Variants in SNRPN observed in about 807,000 individuals in gnomAD.
SNRPN encodes small nuclear ribonucleoprotein polypeptide N.
A neutral mutation model predicts 25.2 loss-of-function variants in SNRPN; 7 were observed. The observed-to-expected ratio is 0.28, with a 90% CI of 0.16 to 0.52. SNRPN has a LOEUF of 0.52. Ranked by LOEUF, SNRPN falls within the 20% of genes least tolerant of loss-of-function variation. The probability of loss-of-function intolerance (pLI) is 0.96; values close to 1 mark genes in which losing one functional copy is unlikely to be tolerated. For missense variants in SNRPN, 196 were observed against 322.5 expected, an observed-to-expected ratio of 0.61 and a Z score of 3.00; for synonymous variants, 124 against 110.6, an observed-to-expected ratio of 1.12 and a Z score of -0.76.
intron 2 of SNRPN, among the ~76,000 whole-genome samples, chr15:24,902,922 G>C: frequency 6.6e-6 from 1 of 152,222 alleles, no homozygotes; most frequent in East Asian, 1.9e-4. Context: ...GCTGGCTCCG[G>C]TGGCCAGCTT....
chr15:24,907,552 C>T (rs934743873), intron 2 of SNRPN, among the ~76,000 whole-genome samples: 3 of 151,726 alleles, frequency 2.0e-5, no homozygotes, highest in Non-Finnish European at 4.4e-5. Flanking sequence ...GAGCCGAGAT[C>T]GTGCCACTGC....
chr15:24,930,653 G>C lies in SNRPN; in HGVS notation c.-391+10529G>C, dbSNP rs76487061. ...ACGCCTGTAATCCCAGTAAATCCCA[G>C]TACTTTGGGAGGCCGGGCCGGGTGG... is the stretch of plus-strand genomic sequence containing the variant. On this transcript the variant is annotated intron_variant, in intron 3 of 11. Coordinates refer to the SNRPN transcript ENST00000400097. Among the ~76,000 whole-genome samples the C allele has an allele frequency of 1.2e-3, 176 of 149,598 alleles. 6 individuals are homozygous for C. The East Asian group carries it at 0.03, about 26-fold the overall frequency.
chr15:24,957,915 A>G (rs1237474127), intron 1 of SNRPN, among the ~76,000 whole-genome samples: 1 of 152,054 alleles, frequency 6.6e-6, no homozygotes, highest in Non-Finnish European at 1.5e-5. Flanking sequence ...TTGAAGTTTC[A>G]AGGTCTGTGT....
intron 2 of SNRPN, among the ~76,000 whole-genome samples, chr15:24,840,100 G>A (rs1481104959): frequency 6.6e-6 from 1 of 152,216 alleles, no homozygotes; most frequent in Non-Finnish European, 1.5e-5. Context: ...GCTCATGCCT[G>A]TAATCCCAGC....
chr15:24,853,352 T>C (rs554366489), upstream of SNRPN, among the ~76,000 whole-genome samples: 40 of 152,322 alleles, frequency 2.6e-4, 1 homozygote, highest in South Asian at 2.9e-3. Context: ...CCTTCAACTT[T>C]CCTGGTCTTT....
intron 3 of SNRPN, among the ~76,000 whole-genome samples, chr15:24,923,194 C>T (rs1387217377): frequency 6.6e-6 from 1 of 152,152 alleles, no homozygotes; most frequent in African/African-American, 2.4e-5. Context: ...GTGTGAGACA[C>T]CATGCGCGGC....
At chr15:24,837,795 G>T (rs1009519093) in intron 2 of SNRPN, among the ~76,000 whole-genome samples, 19 of 151,836 alleles carry the variant, frequency 1.3e-4, no homozygotes, top group Admixed American at 1.1e-3. Flanking sequence ...TACAATCTTG[G>T]CTCACTGCAA....
chr15:24,838,191 C>T (rs192236695), intron 2 of SNRPN, among the ~76,000 whole-genome samples: 1 of 151,724 alleles, frequency 6.6e-6, no homozygotes, highest in Non-Finnish European at 1.5e-5. Flanking sequence ...CCTGCCACCA[C>T]GCCCAGGTAA....
chr15:24,836,732 G>A (rs1033168676), intron 2 of SNRPN, among the ~76,000 whole-genome samples: 1 of 152,082 alleles, frequency 6.6e-6, no homozygotes, highest in African/African-American at 2.4e-5. Context: ...TTTAATGTAA[G>A]TTTTATGTGA....
upstream of SNRPN, among the ~76,000 whole-genome samples, chr15:24,854,454 A>G (rs2053194343): frequency 6.6e-6 from 1 of 152,256 alleles, no homozygotes; most frequent in African/African-American, 2.4e-5. Flanking sequence ...GTTGTGAATT[A>G]AAGTATTAGG....
In SNRPN at chr15:24,939,309, G is replaced by A. The variant is rs146976212; in HGVS notation, c.-391+19185G>A. On this transcript the variant is annotated intron_variant, in intron 3 of 11. Coordinates refer to the SNRPN transcript ENST00000400097. The stretch of plus-strand genomic sequence containing the variant: ...TGAAGTGGTATCTCACTGTGATTTT[G>A]ATTTTGATTTTGATTTCCCTGATGA... Among the ~76,000 whole-genome samples the A allele has an allele frequency of 1.9e-3, 288 of 152,210 alleles. 1 individual carries two copies. Among genetic ancestry groups the A allele is most frequent in the African/African-American group, 6.7e-3 (280 of 41,532 alleles).
At chr15:24,976,777 G>T (rs2077111260) in intron 6 of SNRPN, 100 bp from the exon 7 acceptor site, 1 of 1,013,112 alleles carries the variant, frequency 9.9e-7, no homozygotes, top group Non-Finnish European at 1.5e-6. Context: ...TATGAGATAG[G>T]TGTCATGGGA....
chr15:24,832,507 A>G (rs565198764), intron 2 of SNRPN, among the ~76,000 whole-genome samples: 29 of 151,986 alleles, frequency 1.9e-4, no homozygotes, highest in Non-Finnish European at 8.8e-5. Context: ...AAAGTAGCCA[A>G]TTGAGGGGAG....
intron 2 of SNRPN, among the ~76,000 whole-genome samples, chr15:24,919,266 A>G (rs2059893595): frequency 6.6e-6 from 1 of 151,636 alleles, no homozygotes; most frequent in South Asian, 2.1e-4. Context: ...CGTCTCTACT[A>G]AAAATACACA....
intron 3 of SNRPN, among the ~76,000 whole-genome samples, chr15:24,947,605 G>A (rs1199923539): frequency 1.3e-5 from 2 of 152,166 alleles, no homozygotes; most frequent in South Asian, 2.1e-4. Flanking sequence ...TCCAGCCTGG[G>A]CAACAGAGTG....
intron 3 of SNRPN, among the ~76,000 whole-genome samples, chr15:24,926,199 G>T (rs866725180): frequency 3.9e-5 from 6 of 152,090 alleles, no homozygotes; most frequent in African/African-American, 1.4e-4. Context: ...AGATTCTATT[G>T]TAAGGATATT....
intron 1 of SNRPN, among the ~76,000 whole-genome samples, chr15:24,882,875 T>C (rs2056857082): frequency 6.6e-6 from 1 of 151,060 alleles, no homozygotes; most frequent in Non-Finnish European, 1.5e-5. Context: ...TTAATATATC[T>C]AATCTATTGA....
intron 3 of SNRPN, among the ~76,000 whole-genome samples, chr15:24,935,775 G>A (rs866381443): frequency 6.6e-6 from 1 of 152,078 alleles, no homozygotes; most frequent in Non-Finnish European, 1.5e-5. Context: ...TCTTGCTTCT[G>A]GAAAAAGTGG....
At chr15:24,882,106 C>T (rs2056753885) in intron 1 of SNRPN, among the ~76,000 whole-genome samples, 1 of 152,072 alleles carries the variant, frequency 6.6e-6, no homozygotes, top group Admixed American at 6.6e-5. Context: ...CTGTAGGTGT[C>T]CTGCTAATTG....
Sources: gnomAD v4.1 joint callset for allele counts (sites outside exome capture counted in the v4.1 genomes callset) on GRCh38, gnomAD v4.1.1 for gene constraint, MANE v1.5 for transcripts, NCBI Gene and HGNC (gene_info 2026-07-23, HGNC 2026-07-21) for gene names.